The following OTUD4 variants were observed in gnomAD, a reference collection of about 807,000 sequenced individuals.
The protein encoded by OTUD4 is OTU domain-containing protein 4.
In OTUD4, 24 loss-of-function variants were observed where a neutral mutation model predicts 130.4. The observed-to-expected ratio is 0.18, with a 90% CI of 0.13 to 0.26. The LOEUF (loss-of-function observed/expected upper bound fraction) is 0.26, where lower values mean the gene tolerates loss of function less well. Ranked by LOEUF, OTUD4 falls within the 10% of genes least tolerant of loss-of-function variation. The pLI, the probability that OTUD4 is intolerant of heterozygous loss-of-function variation, is 1.00. For synonymous variants in OTUD4, 420 were observed against 472.5 expected, an observed-to-expected ratio of 0.89 and a Z score of 1.44; for missense variants, 1,031 against 1,329.4, an observed-to-expected ratio of 0.78 and a Z score of 3.49.
rs527275437 is a variant in OTUD4, at chr4:145,173,692, G to A, written c.243+969C>T. Among the ~76,000 whole-genome samples, 5 of 152,084 alleles carry A rather than the reference G, an allele frequency of 3.3e-5. No individual in the cohort carries two copies. In the East Asian group the frequency reaches 5.8e-4, roughly 18 times the overall value. On this transcript the variant is annotated intron_variant, in intron 2 of 20. Coordinates refer to ENST00000447906, the MANE Select transcript of OTUD4 (RefSeq NM_001366057.1). ...TCAACATTCTCTACCAGTCAACTGGGGGAAATAACACCCAAAGTTGTCAGA... is the reference window on the plus strand; with the variant it reads ...TCAACATTCTCTACCAGTCAACTGGAGGAAATAACACCCAAAGTTGTCAGA...
intron 2 of OTUD4, among the ~76,000 whole-genome samples, chr4:145,173,062 A>G (rs1752254082): frequency 6.6e-6 from 1 of 152,198 alleles, no homozygotes; most frequent in Non-Finnish European, 1.5e-5. Context: ...ACTTTTCCCC[A>G]TGGAACTTTC....
intron 6 of OTUD4, 115 bp downstream of exon 6, chr4:145,162,525 C>T (rs1751628393): frequency 3.7e-6 from 2 of 536,734 alleles, no homozygotes; most frequent in Admixed American, 4.1e-5. Context: ...GCACTCCAGC[C>T]TGGGAGACAG....
At position 145,143,843 on chromosome 4, in the gene OTUD4, C is replaced by A. The variant is rs181566343; in HGVS notation, c.1602+103G>T. On this transcript the variant is annotated intron_variant, in intron 16 of 20. Transcript: ENST00000447906. ...GCTTTTCTACTTTCCTAATACACAG[C>A]TATAAAATTTCGAAATTATTTTCAC... The A allele has an allele frequency of 6.2e-6, 5 of 804,934 alleles. No individual in the cohort carries two copies. The East Asian group carries it at 1.0e-4, about 17-fold the overall frequency. 49.9% of individuals were successfully genotyped at this position (804,934 alleles called of 1,614,324 possible).
chr4:145,162,617 T>C lies in OTUD4; in HGVS notation c.496+23A>G, dbSNP rs201581117. 1,174 of 1,172,752 alleles carry C rather than the reference T, an allele frequency of 1.0e-3. 2 individuals carry two copies. Among genetic ancestry groups the C allele is most frequent in the Admixed American group, 1.6e-3 (68 of 42,416 alleles). 72.6% of individuals were successfully genotyped at this position (1,172,752 alleles called of 1,614,324 possible). Reference sequence around the variant, plus strand: ...ATAAGTTTAGGAATATAATTTCCCATATAAACACAAGGTGATACTTACACT... The same window carrying C: ...ATAAGTTTAGGAATATAATTTCCCACATAAACACAAGGTGATACTTACACT... On this transcript the variant is annotated intron_variant, in intron 6 of 20. Coordinates refer to ENST00000447906, the MANE Select transcript of OTUD4 (RefSeq NM_001366057.1).
chr4:145,166,810 G>A (rs958156285), intron 3 of OTUD4, among the ~76,000 whole-genome samples: 20 of 152,196 alleles, frequency 1.3e-4, no homozygotes, highest in African/African-American at 4.8e-4. Flanking sequence ...CTGCACTCCA[G>A]CCTGGGAGAC....
chr4:145,170,462 T>TTCAA (rs1278143061), intron 3 of OTUD4, among the ~76,000 whole-genome samples: 1 of 152,230 alleles, frequency 6.6e-6, no homozygotes, highest in African/African-American at 2.4e-5. Flanking sequence ...CCATTCAGAC[T>TTCAA]TCAAATACAA....
chr4:145,156,134 G>A, intron 7 of OTUD4, 138 bp from the exon 8 acceptor site: 1 of 602,186 alleles, frequency 1.7e-6, no homozygotes, highest in Non-Finnish European at 2.9e-6. Context: ...ACAAGTTTTG[G>A]TACAAGTATA....
intron 20 of OTUD4, among the ~76,000 whole-genome samples, chr4:145,139,118 G>A (rs1223300861): frequency 2.0e-5 from 3 of 152,214 alleles, no homozygotes; most frequent in Non-Finnish European, 2.9e-5. Flanking sequence ...TCTAATCAGG[G>A]AGGGATAATG....
At chr4:145,155,732 A>G in intron 8 of OTUD4, 46 bp from the exon 9 acceptor site, 1 of 1,319,612 alleles carries the variant, frequency 7.6e-7, no homozygotes, top group East Asian at 2.3e-5. Context: ...TGCTTTTAAA[A>G]CATTTTTGTT....
rs1016938576 is a variant in OTUD4 at position 145,158,528 on chromosome 4, CAA to C, written c.629+973_629+974del. Among the ~76,000 whole-genome samples, 19 of 151,604 alleles carry C rather than the reference CAA, an allele frequency of 1.3e-4. 1 individual carries two copies. The highest frequency in any genetic ancestry group is 1.0e-3 in the South Asian group (5 of 4,808). On this transcript the variant is annotated intron_variant, in intron 7 of 20. Coordinates refer to ENST00000447906, the MANE Select transcript of OTUD4 (RefSeq NM_001366057.1). Reference sequence around the variant, plus strand: ...AAAAAAAAACAAAAAAAAAACAAATCAAGAGATATACATATATTTTTAAAGTT... The same window carrying C: ...AAAAAAAAACAAAAAAAAAACAAATCGAGATATACATATATTTTTAAAGTT...
intron 5 of OTUD4, among the ~76,000 whole-genome samples, chr4:145,163,696 T>C (rs1244277979): frequency 6.8e-6 from 1 of 146,852 alleles, no homozygotes; most frequent in Non-Finnish European, 1.5e-5. Flanking sequence ...TGACAATTAA[T>C]AGGAACCTTT....
Position 145,144,433 on chromosome 4 carries a change from C to T in OTUD4, c.1424G>A (p.Ser475Asn). Residue 475 changes from serine to asparagine, a missense_variant and splice_region_variant, in exon 15 of 21, where the codon AGC (serine) becomes AAC (asparagine). This residue lies in a region of OTUD4 where 900 missense variants were observed against 1,095.9 expected (regional missense o/e 0.82). Transcript: ENST00000447906. ...AGAAGCTGACTGATTGACTGATGAG[C>T]TCTTTAAAATGAACAAAACCCAACA... ...RDEQAFPALS[S>N]SSVNQSASQS... is the part of the protein sequence containing the mutation. The T allele has an allele frequency of 6.2e-7, 1 of 1,609,234 alleles. No homozygotes were observed. Among genetic ancestry groups the T allele is most frequent in the East Asian group, 2.2e-5 (1 of 44,750 alleles).
rs148545302 is a variant in OTUD4 at position 145,141,599 on chromosome 4, A to C, written c.1863T>G (p.Thr621=). ...APIPVLSVTQ[T]LTTGPDSAVS... ...CAGCTGAATCAGGTCCAGTGGTCAA[A>C]GTCTGTGTCACTGACAAAACGGGAA... Residue 621 remains threonine, a synonymous_variant, in exon 19 of 21, where the codon ACT becomes ACG. Transcript: ENST00000447906. 1.9e-6 allele frequency: 3 copies of C among 1,574,426 alleles called. No homozygotes were observed. In the African/African-American group the frequency reaches 4.1e-5, roughly 21 times the overall value.
chr4:145,150,762 A>G (rs773474755), intron 12 of OTUD4, 40 bp downstream of exon 12: 1 of 1,607,292 alleles, frequency 6.2e-7, no homozygotes, highest in South Asian at 1.1e-5. Flanking sequence ...AAGTACCATC[A>G]TCCCAATCCC....
chr4:145,155,480 T>TA lies in OTUD4; in HGVS notation c.809-6dup, dbSNP rs36225839. 24,344 of 1,213,436 alleles carry TA rather than the reference T, an allele frequency of 0.02. 1 individual carries two copies. Among genetic ancestry groups the TA allele is most frequent in the Non-Finnish European group, 0.023 (19,881 of 866,104 alleles). 75.2% of individuals were successfully genotyped at this position (1,213,436 alleles called of 1,614,324 possible). A position where few individuals can be genotyped will look rare whatever the true frequency, so the allele number is the denominator to read the frequency against. On this transcript the variant is annotated splice_polypyrimidine_tract_variant and splice_region_variant and intron_variant, in intron 9 of 20. Transcript: ENST00000447906. ...AATAATCACGTTTTTGCTGAGCTGT[T>TA]AAAAAAAAAAAGGTCAGTATAATAT... is the stretch of plus-strand genomic sequence containing the variant.
intron 13 of OTUD4, among the ~76,000 whole-genome samples, chr4:145,146,680 G>A (rs959844651): frequency 4.0e-5 from 6 of 151,820 alleles, no homozygotes; most frequent in Non-Finnish European, 5.9e-5. Context: ...GAGTCAAGAA[G>A]ACAAACAGCA....
At chr4:145,155,805 C>A in intron 8 of OTUD4, 119 bp from the exon 9 acceptor site, 3 of 990,706 alleles carry the variant, frequency 3.0e-6, no homozygotes, top group Non-Finnish European at 4.5e-6. Context: ...AGGAAGCCAC[C>A]AAATCAATTT....
At chr4:145,175,149 G>A (rs1467235831) in intron 1 of OTUD4, among the ~76,000 whole-genome samples, 3 of 152,196 alleles carry the variant, frequency 2.0e-5, no homozygotes, top group African/African-American at 7.2e-5. Context: ...AACTTCTGTA[G>A]GAATGTATTT....
At chr4:145,138,725 G>A in intron 20 of OTUD4, 75 bp from the exon 21 acceptor site, 2 of 1,345,530 alleles carry the variant, frequency 1.5e-6, no homozygotes, top group Non-Finnish European at 2.0e-6. Flanking sequence ...CAATCTACAA[G>A]TACTAGGGTC....
Sources: gnomAD v4.1 joint callset for allele counts (sites outside exome capture counted in the v4.1 genomes callset) on GRCh38, gnomAD v4.1.1 for gene constraint, gnomAD v4.1.1 regional missense constraint, MANE v1.5 for transcripts, NCBI Gene and HGNC (gene_info 2026-07-23, HGNC 2026-07-21) for gene names.